Variants in PRDM16 observed in about 807,000 individuals in gnomAD.
PRDM16 encodes the protein histone-lysine N-methyltransferase PRDM16.
Under a neutral mutation model 110.6 loss-of-function variants are expected in PRDM16, and 23 were observed. The observed-to-expected ratio is 0.21, with a 90% confidence interval of 0.15 to 0.29. The LOEUF is 0.29. PRDM16 is among the 10% of genes least tolerant of loss of function. The pLI, the probability that PRDM16 is intolerant of heterozygous loss-of-function variation, is 1.00. For synonymous variants in PRDM16, 799 were observed against 781.8 expected (o/e 1.02, Z -0.37); for missense variants, 1,615 against 1,794.3 (o/e 0.90, Z 1.81).
intron 1 of PRDM16, among the ~76,000 whole-genome samples, chr1:3,145,427 G>T (rs1326898226): frequency 6.6e-6 from 1 of 152,200 alleles, no homozygotes; most frequent in Non-Finnish European, 1.5e-5. Flanking sequence ...GTGTTCCCCA[G>T]CCCTGCCTCT....
intron 1 of PRDM16, among the ~76,000 whole-genome samples, chr1:3,121,092 G>A (rs1217752446): frequency 4.0e-5 from 6 of 151,738 alleles, no homozygotes; most frequent in Admixed American, 2.6e-4. Context: ...GTTAGGGCCC[G>A]GCTTGGAGGC....
rs552800300 is a variant in PRDM16, at chr1:3,095,862, G to A, written c.37+26566G>A. On this transcript the variant is annotated intron_variant, in intron 1 of 16. Coordinates refer to ENST00000270722, the MANE Select transcript of PRDM16 (RefSeq NM_022114.4). ...GGAGCCTCATATCACAGCTCACTGT[G>A]CGGGTCCTCATGCTCAGAGGGTGGC... Among the ~76,000 whole-genome samples the A allele has an allele frequency of 1.2e-4, 18 of 152,236 alleles. No homozygotes were observed. In the South Asian group the frequency reaches 3.5e-3, roughly 30 times the overall value.
At chr1:3,188,761 T>C (rs1644302910) in intron 2 of PRDM16, among the ~76,000 whole-genome samples, 1 of 152,134 alleles carries the variant, frequency 6.6e-6, no homozygotes, top group Admixed American at 6.5e-5. Context: ...GCCATGTGCG[T>C]CGGTGCCTTC....
At chr1:3,387,565 G>A (rs889694003) in intron 4 of PRDM16, among the ~76,000 whole-genome samples, 2 of 152,184 alleles carry the variant, frequency 1.3e-5, no homozygotes, top group Non-Finnish European at 2.9e-5. Context: ...AGCCGGTGAC[G>A]TCGGGTGTTA....
chr1:3,207,241 G>A (rs969775389), intron 2 of PRDM16: 1 of 152,188 alleles, frequency 6.6e-6, no homozygotes, highest in South Asian at 2.1e-4. Flanking sequence ...TACAAAACCC[G>A]AGGTCATTTG....
chr1:3,280,513 G>C (rs565284200), intron 3 of PRDM16, among the ~76,000 whole-genome samples: 1 of 152,158 alleles, frequency 6.6e-6, no homozygotes, highest in Non-Finnish European at 1.5e-5. Flanking sequence ...GCGGAGGGAC[G>C]GCGTACATTC....
chr1:3,425,725 G>A lies in PRDM16; in HGVS notation c.3084G>A (p.Lys1028=). The A allele has an allele frequency of 6.2e-7, 1 of 1,613,780 alleles. No individual in the cohort carries two copies. The highest frequency in any genetic ancestry group is 8.5e-7 in the Non-Finnish European group (1 of 1,179,940). The part of the protein sequence containing the change: ...GQQTNLDRHL[K]KHEHENAPVS... The stretch of plus-strand genomic sequence containing the variant: ...AGACCAACCTGGACCGGCACCTCAA[G>A]AAGCACGAGCACGAGAACGCACCAG... Residue 1028 remains lysine, a synonymous_variant, in exon 13 of 17, where the codon AAG becomes AAA. Transcript: ENST00000270722. The surrounding 1 kb of genome is among the most constrained non-coding windows in gnomAD (Gnocchi z 6.9).
At chr1:3,408,770 A>T (rs12063613) in intron 8 of PRDM16, among the ~76,000 whole-genome samples, 2 of 101,156 alleles carry the variant, frequency 2.0e-5, no homozygotes, top group Non-Finnish European at 2.1e-5. Context: ...GTGAGAGTGC[A>T]TGAGTGTGGG....
intron 1 of PRDM16, among the ~76,000 whole-genome samples, chr1:3,185,049 G>A (rs1010204438): frequency 1.3e-5 from 2 of 152,204 alleles, no homozygotes; most frequent in African/African-American, 4.8e-5. Flanking sequence ...CATTTGGGCT[G>A]TTTCTGCCTT....
At chr1:3,114,864 G>A (rs963999462) in intron 1 of PRDM16, among the ~76,000 whole-genome samples, 1 of 152,396 alleles carries the variant, frequency 6.6e-6, no homozygotes, top group East Asian at 1.9e-4. Flanking sequence ...TGTGGGAAGG[G>A]GAGGAAGAGG....
chr1:3,143,475 T>C lies in PRDM16; in HGVS notation c.38-42650T>C, dbSNP rs1391495285. ...ATGACATTTGAAACTTTATTATTAG[T>C]ATTATTATTATCATTTTTGTGAGAT... On this transcript the variant is annotated intron_variant, in intron 1 of 16. Coordinates refer to ENST00000270722, the MANE Select transcript of PRDM16 (RefSeq NM_022114.4). The surrounding 1 kb of genome is among the most constrained non-coding windows in gnomAD (Gnocchi z 4.5). 6.6e-6 allele frequency among the ~76,000 whole-genome samples: 1 copy of C among 152,070 alleles called. No individual in the cohort carries two copies. Among genetic ancestry groups the C allele is most frequent in the Non-Finnish European group, 1.5e-5 (1 of 68,020 alleles).
rs1218415690 is a variant in PRDM16, at chr1:3,412,363, C to T, written c.2166C>T (p.His722=). ...AGAAGCTGGGCTCGCTCCCCTACCA[C>T]TCGGCGTTCCCCTTCCAGTTCCTGC... ...QEKKLGSLPY[H]SAFPFQFLPN... is the part of the protein sequence containing the mutation. The change falls in exon 9 of 17, where the codon CAC becomes CAT. Residue 722 remains histidine (H), a synonymous_variant. Coordinates refer to ENST00000270722, the MANE Select transcript of PRDM16 (RefSeq NM_022114.4). 1.9e-6 allele frequency: 3 copies of T among 1,613,642 alleles called. No individual in the cohort carries two copies. The highest frequency in any genetic ancestry group is 2.5e-6 in the Non-Finnish European group (3 of 1,180,026).
At position 3,358,736 on chromosome 1, in the gene PRDM16, C is replaced by A. The variant is rs1299918515; in HGVS notation, c.439-26416C>A. Among the ~76,000 whole-genome samples, 2 of 152,186 alleles carry A rather than the reference C, an allele frequency of 1.3e-5. No homozygotes were observed. The highest frequency in any genetic ancestry group is 4.8e-5 in the African/African-American group (2 of 41,442). On this transcript the variant is annotated intron_variant, in intron 3 of 16. Transcript: ENST00000270722. This position sits in a 1 kb window ranked among gnomAD's most constrained non-coding sequence, Gnocchi z 4.0. ...CGTGTGCGCGATCAGAGCTGAGTAA[C>A]CTGCTCCAAACCCAGGACACTGTGT...
chr1:3,217,006 C>T (rs1361984330), intron 2 of PRDM16, among the ~76,000 whole-genome samples: 1 of 152,244 alleles, frequency 6.6e-6, no homozygotes, highest in African/African-American at 2.4e-5. Context: ...TAGCACTGTT[C>T]CATGTCCAAA....
At chr1:3,114,413 C>T (rs1642893690) in intron 1 of PRDM16, among the ~76,000 whole-genome samples, 1 of 125,286 alleles carries the variant, frequency 8.0e-6, no homozygotes, top group South Asian at 2.5e-4. Flanking sequence ...CACACACGCA[C>T]ACACATGCAC....
At position 3,414,573 on chromosome 1, in the gene PRDM16, C is replaced by G; in HGVS notation, c.2617C>G (p.Arg873Gly). The change falls in exon 10 of 17, where the codon CGG becomes GGG. Residue 873 changes from arginine to glycine, a missense_variant. Arg to Gly is a moderately radical substitution (Grantham distance 125, BLOSUM62 -2). Transcript: ENST00000270722. ...GCTGTTGTCCAGCAGGGTAGAAAAG[C>G]GGAAGGTCACAGACCCCGTGGGAGC... Reference protein sequence around the residue: ...MDPIYSRVEKRKVTDPVGALK... With the variant: ...MDPIYSRVEKGKVTDPVGALK... 2 of 1,613,196 alleles carry G rather than the reference C, an allele frequency of 1.2e-6. No homozygotes were observed. Among genetic ancestry groups the G allele is most frequent in the Non-Finnish European group, 8.5e-7 (1 of 1,179,662 alleles).
At chr1:3,391,222 C>T (rs1643294805) in intron 4 of PRDM16, among the ~76,000 whole-genome samples, 2 of 152,074 alleles carry the variant, frequency 1.3e-5, no homozygotes, top group Admixed American at 1.3e-4. Context: ...CACAGTTTAC[C>T]CCCTTGAAAT....
chr1:3,357,436 G>A (rs1026617624), intron 3 of PRDM16, among the ~76,000 whole-genome samples: 1 of 151,910 alleles, frequency 6.6e-6, no homozygotes, highest in Non-Finnish European at 1.5e-5. Flanking sequence ...ATGGAGCACA[G>A]TCGACAGGCA....
intron 3 of PRDM16, among the ~76,000 whole-genome samples, chr1:3,337,697 G>A (rs1642188950): frequency 6.6e-6 from 1 of 152,182 alleles, no homozygotes; most frequent in Non-Finnish European, 1.5e-5. Context: ...CTTTCCCTTG[G>A]TGTGATGCTG....
Sources: gnomAD v4.1 joint callset for allele counts (sites outside exome capture counted in the v4.1 genomes callset) on GRCh38, gnomAD v4.1.1 for gene constraint, Gnocchi (gnomAD v3.1) non-coding constraint, MANE v1.5 for transcripts, NCBI Gene and HGNC (gene_info 2026-07-23, HGNC 2026-07-21) for gene names.